IMPG1: variants seen among roughly 807,000 people sequenced by gnomAD.
IMPG1 encodes the protein interphotoreceptor matrix proteoglycan 1.
Under a neutral mutation model 92.0 loss-of-function variants are expected in IMPG1, and 85 were observed. That is an observed-to-expected ratio of 0.92 (90% CI 0.78 to 1.11). The LOEUF is 1.11. Ranked by LOEUF, IMPG1 falls within the 50% of genes least tolerant of loss-of-function variation. The pLI is 0.00. For synonymous variants in IMPG1, 367 were observed against 334.1 expected (o/e 1.10, Z -1.08); for missense variants, 1,022 against 956.0 (o/e 1.07, Z -0.91).
rs114382693 is a variant in IMPG1 at position 76,065,850 on chromosome 6, G to A, written c.67+6572C>T. Among the ~76,000 whole-genome samples, 634 of 152,180 alleles carry A rather than the reference G, an allele frequency of 4.2e-3. 6 individuals carry two copies. The highest frequency in any genetic ancestry group is 0.014 in the African/African-American group (601 of 41,558). ...GAGAAAAGCCTCTAATCACCTATAA[G>A]TGAAATCTCATAGTATTAGCAGCAG... On this transcript the variant is annotated intron_variant, in intron 1 of 16. Coordinates refer to ENST00000369950, the MANE Select transcript of IMPG1 (RefSeq NM_001563.4).
At position 75,951,003 on chromosome 6, in the gene IMPG1, A is replaced by C; in HGVS notation, c.1383T>G (p.Asp461Glu). 6.2e-7 allele frequency: 1 copy of C among 1,613,922 alleles called. No homozygotes were observed. Among genetic ancestry groups the C allele is most frequent in the Middle Eastern group, 1.7e-4 (1 of 6,056 alleles). Residue 461 changes from aspartate to glutamate, a missense_variant, in exon 13 of 17, where the codon GAT becomes GAG. Physicochemically the swap from Asp to Glu is conservative, Grantham distance 45. Transcript: ENST00000369950. ...FMASSIFSLT[D>E]QGTTDTMATD... ...TGGCCATTGTATCTGTGGTGCCTTG[A>C]TCAGTCAGAGAGAAGATGCTTGATG...
intron 2 of IMPG1, among the ~76,000 whole-genome samples, chr6:76,036,373 T>C (rs191158560): frequency 1.1e-3 from 173 of 152,362 alleles, no homozygotes; most frequent in Non-Finnish European, 2.0e-3. Context: ...CTGTTTAGAA[T>C]ATTGCATTTG....
intron 12 of IMPG1, among the ~76,000 whole-genome samples, chr6:75,957,044 T>C (rs1582066298): frequency 6.6e-6 from 1 of 152,100 alleles, no homozygotes; most frequent in South Asian, 2.1e-4. Flanking sequence ...CTCAGCCTCC[T>C]GAGTAGCTGA....
At chr6:75,960,614 T>C (rs1387683534) in intron 12 of IMPG1, among the ~76,000 whole-genome samples, 2 of 152,234 alleles carry the variant, frequency 1.3e-5, no homozygotes, top group Non-Finnish European at 2.9e-5. Context: ...TTGAAGCTTC[T>C]AAGGTTATAG....
chr6:76,067,461 C>T (rs1784329299), intron 1 of IMPG1, among the ~76,000 whole-genome samples: 1 of 152,038 alleles, frequency 6.6e-6, no homozygotes, highest in South Asian at 2.1e-4. Context: ...TTCCTGGAGA[C>T]ATACAACTTC....
Position 76,018,748 on chromosome 6 carries a change from G to A in IMPG1, c.777C>T (p.Tyr259=), listed in dbSNP as rs569948757. ...AELADSQSPY[Y]QELAGKSQLQ... ...GTTGGGACTTTCCTGCTAGCTCCTG[G>A]TAATATGGGGACTGGGAGTCAGCGA... The change falls in exon 7 of 17, where the codon TAC becomes TAT. Residue 259 remains tyrosine (Y), a synonymous_variant. Transcript: ENST00000369950. The A allele has an allele frequency of 6.8e-5, 110 of 1,613,292 alleles. No homozygotes were observed. Among genetic ancestry groups the A allele is most frequent in the Non-Finnish European group, 8.5e-5 (100 of 1,179,670 alleles).
chr6:75,958,379 C>T (rs942457749), intron 12 of IMPG1, among the ~76,000 whole-genome samples: 6 of 152,074 alleles, frequency 3.9e-5, no homozygotes, highest in African/African-American at 1.4e-4. Context: ...TTGCTTTTCT[C>T]GAGGAGTATC....
chr6:76,012,838 C>T (rs1271646968), intron 7 of IMPG1, among the ~76,000 whole-genome samples: 2 of 152,164 alleles, frequency 1.3e-5, no homozygotes, highest in African/African-American at 2.4e-5. Context: ...TTCTCTTCTT[C>T]CCAAGTCTGC....
intron 12 of IMPG1, among the ~76,000 whole-genome samples, chr6:75,972,783 T>TTCTTTC (rs1428032681): frequency 6.6e-5 from 10 of 152,236 alleles, no homozygotes; most frequent in Non-Finnish European, 1.3e-4. Context: ...ATTGAACATC[T>TTCTTTC]ACTATGTACC....
chr6:75,993,078 A>G (rs998342376), intron 12 of IMPG1, among the ~76,000 whole-genome samples: 18 of 152,286 alleles, frequency 1.2e-4, no homozygotes, highest in Middle Eastern at 6.8e-3. Context: ...TTGTGAACTT[A>G]ATCTTCCTTT....
intron 12 of IMPG1, among the ~76,000 whole-genome samples, chr6:75,988,779 G>A (rs1582088703): frequency 6.6e-6 from 1 of 151,922 alleles, no homozygotes; most frequent in Non-Finnish European, 1.5e-5. Flanking sequence ...CTTTTAAATC[G>A]CTTCTCCCAG....
chr6:75,951,277 G>A (rs1483686688), intron 12 of IMPG1, among the ~76,000 whole-genome samples, 183 bp from the exon 13 acceptor site: 2 of 151,246 alleles, frequency 1.3e-5, no homozygotes, highest in Non-Finnish European at 2.9e-5. Context: ...GCAGCACTAT[G>A]TCCCAACCTA....
At chr6:76,051,797 AT>A (rs1490837178) in intron 1 of IMPG1, among the ~76,000 whole-genome samples, 1 of 152,166 alleles carries the variant, frequency 6.6e-6, no homozygotes, top group Admixed American at 6.5e-5. Context: ...ATCTCAAATA[AT>A]TAGAGTGGTT....
intron 14 of IMPG1, among the ~76,000 whole-genome samples, chr6:75,938,272 G>A (rs949833363): frequency 1.3e-5 from 2 of 152,170 alleles, no homozygotes; most frequent in Non-Finnish European, 2.9e-5. Flanking sequence ...TGATCTGAAT[G>A]TGGAATGATA....
intron 12 of IMPG1, among the ~76,000 whole-genome samples, chr6:75,987,391 G>A (rs1010414008): frequency 6.6e-6 from 1 of 151,590 alleles, no homozygotes; most frequent in Admixed American, 6.6e-5. Flanking sequence ...TGCCATGGTG[G>A]TGTGCTGCAC....
chr6:76,010,017 T>G (rs1230085470), intron 8 of IMPG1, among the ~76,000 whole-genome samples: 5 of 152,238 alleles, frequency 3.3e-5, no homozygotes, highest in African/African-American at 4.8e-5. Flanking sequence ...CCGAGCAGCA[T>G]CTTGAAATAA....
chr6:76,046,314 A>T (rs1783941713), intron 1 of IMPG1, among the ~76,000 whole-genome samples: 1 of 152,076 alleles, frequency 6.6e-6, no homozygotes. Flanking sequence ...AGAAAAAAAT[A>T]TAATTGTACT....
At chr6:75,980,072 T>C (rs192238709) in intron 12 of IMPG1, among the ~76,000 whole-genome samples, 46 of 152,324 alleles carry the variant, frequency 3.0e-4, no homozygotes, top group African/African-American at 9.4e-4. Flanking sequence ...CTATGCCTAA[T>C]ATGCTTCAAG....
At chr6:76,055,235 G>A (rs1784101604) in intron 1 of IMPG1, among the ~76,000 whole-genome samples, 1 of 151,918 alleles carries the variant, frequency 6.6e-6, no homozygotes, top group Non-Finnish European at 1.5e-5. Context: ...GACTAATAGA[G>A]AAGTAAGCTA....
Sources: allele counts gnomAD v4.1 joint callset (sites outside exome capture counted in the v4.1 genomes callset), GRCh38; gene constraint gnomAD v4.1.1; transcripts MANE v1.5; gene names NCBI Gene and HGNC (gene_info 2026-07-23, HGNC 2026-07-21).